The following PEX13 variants were observed in gnomAD, a reference collection of about 807,000 sequenced individuals.
The protein encoded by PEX13 is peroxisomal biogenesis factor 13, also known as peroxisome biogenesis factor 13.
Under a neutral mutation model 34.5 loss-of-function variants are expected in PEX13, and 28 were observed. The ratio of observed to expected loss-of-function variants is 0.81; its 90% CI spans 0.60 to 1.11. The LOEUF (loss-of-function observed/expected upper bound fraction) is 1.11. Ranked by LOEUF, PEX13 falls within the 50% of genes most tolerant of loss-of-function variation. PEX13 has a pLI of 0.00. For missense variants in PEX13, 550 were observed against 491.0 expected, an observed-to-expected ratio of 1.12 and a Z score of -1.13; for synonymous variants, 177 against 175.1, an observed-to-expected ratio of 1.01 and a Z score of -0.09.
chr2:61,018,072 TCGGGAGC>T, intron 1 of PEX13: 1 of 1,504,498 alleles, frequency 6.6e-7, no homozygotes, highest in Admixed American at 2.3e-5. Flanking sequence ...AACGTTTTTT[TCGGGAGC>T]TCCTGGGCGT....
intron 3 of PEX13, 120 bp downstream of exon 3, chr2:61,045,971 C>T: frequency 1.1e-6 from 1 of 883,882 alleles, no homozygotes. Flanking sequence ...GTTACTAGAA[C>T]TTCTTTTTCA....
chr2:61,041,439 C>G (rs549267783), intron 2 of PEX13, among the ~76,000 whole-genome samples: 2 of 152,096 alleles, frequency 1.3e-5, no homozygotes, highest in Non-Finnish European at 2.9e-5. Flanking sequence ...GAAGTAGAAC[C>G]ATATTATTGC....
chr2:61,034,445 C>T (rs567199830), intron 2 of PEX13, among the ~76,000 whole-genome samples: 24 of 152,350 alleles, frequency 1.6e-4, no homozygotes, highest in African/African-American at 5.5e-4. Context: ...GTTCATCTCA[C>T]TGGGACTGGT....
intron 1 of PEX13, chr2:61,018,270 A>G: frequency 6.4e-7 from 1 of 1,550,690 alleles, no homozygotes. Context: ...AAAGGTGTTA[A>G]CCTCTCGAGA....
At chr2:61,026,009 T>G (rs1220686759) in intron 1 of PEX13, among the ~76,000 whole-genome samples, 2 of 152,168 alleles carry the variant, frequency 1.3e-5, no homozygotes, top group African/African-American at 4.8e-5. Context: ...TCTGCCCAGC[T>G]TCTCATCCTG....
At chr2:61,048,111 G>C (rs1386694761) in intron 3 of PEX13, among the ~76,000 whole-genome samples, 1 of 152,126 alleles carries the variant, frequency 6.6e-6, no homozygotes, top group Non-Finnish European at 1.5e-5. Context: ...AACTTACCCA[G>C]TTGAGAAGGA....
At chr2:61,043,885 CT>C (rs1680665078) in intron 2 of PEX13, among the ~76,000 whole-genome samples, 1 of 152,198 alleles carries the variant, frequency 6.6e-6, no homozygotes, top group Admixed American at 6.5e-5. Flanking sequence ...AACAGAACTC[CT>C]TTTCAGCTAT....
At chr2:61,023,128 C>T (rs1443890402) in intron 1 of PEX13, among the ~76,000 whole-genome samples, 2 of 152,036 alleles carry the variant, frequency 1.3e-5, no homozygotes, top group African/African-American at 2.4e-5. Context: ...CCTCAGCCTC[C>T]TGAGTAGCTG....
rs757216465 is a variant in PEX13, at chr2:61,031,592, T to C, written c.266T>C (p.Phe89Ser). 6 of 1,614,176 alleles carry C rather than the reference T, an allele frequency of 3.7e-6. No homozygotes were observed. In the South Asian group the frequency reaches 6.6e-5, roughly 18 times the overall value. Reference protein sequence around the residue: ...SSGYGAYGNSFYGGYSPYSYG... With the variant: ...SSGYGAYGNSSYGGYSPYSYG... ...GGATATGGTGCCTATGGAAATTCATTTTATGGAGGCTATAGTCCTTATAGT... is the reference window on the plus strand; with the variant it reads ...GGATATGGTGCCTATGGAAATTCATCTTATGGAGGCTATAGTCCTTATAGT... The change falls in exon 2 of 4, where the codon TTT becomes TCT. Residue 89 changes from phenylalanine (F) to serine (S), a missense_variant. Phe to Ser is a radical substitution (Grantham distance 155, BLOSUM62 -2). Coordinates refer to ENST00000295030, the MANE Select transcript of PEX13 (RefSeq NM_002618.4).
At chr2:61,018,184 CG>C in intron 1 of PEX13, 1 of 1,550,886 alleles carries the variant, frequency 6.4e-7, no homozygotes, top group East Asian at 2.4e-5. Flanking sequence ...ATCTTTAAAG[CG>C]TAGACTTTGG....
intron 1 of PEX13, chr2:61,018,936 C>T (rs1169140915): frequency 6.6e-6 from 1 of 151,984 alleles, no homozygotes; most frequent in Non-Finnish European, 1.5e-5. Flanking sequence ...CCCACTTTAT[C>T]GTGAAATATT....
chr2:61,048,702 G>A lies in PEX13; in HGVS notation c.1144G>A (p.Val382Ile), dbSNP rs886044219. 6.2e-7 allele frequency: 1 copy of A among 1,613,968 alleles called. No individual in the cohort carries two copies. Among genetic ancestry groups the A allele is most frequent in the East Asian group, 2.2e-5 (1 of 44,888 alleles). Residue 382 changes from valine (V) to isoleucine (I), a missense_variant, in exon 4 of 4, where the codon GTT (valine) becomes ATT (isoleucine). Val to Ile is a conservative substitution (Grantham distance 29). Transcript: ENST00000295030. ...EQEAAFESVFVETNKVPVAPD... is the reference protein window; with the variant it reads ...EQEAAFESVFIETNKVPVAPD... ...GGAAGCTGCCTTTGAATCTGTTTTT[G>A]TTGAAACTAATAAGGTTCCAGTTGC... is the stretch of plus-strand genomic sequence containing the variant.
chr2:61,048,452 C>T lies in PEX13; in HGVS notation c.914-20C>T. 2 of 1,607,468 alleles carry T rather than the reference C, an allele frequency of 1.2e-6. No individual in the cohort carries two copies. The highest frequency in any genetic ancestry group is 1.7e-6 in the Non-Finnish European group (2 of 1,175,020). ...TCCAAAGTATATTGTAATTACAAGA[C>T]TGTCTTTTTTTTCCATCAGAACAAC... On this transcript the variant is annotated intron_variant, in intron 3 of 3. Transcript: ENST00000295030.
chr2:61,033,781 G>A (rs1239782725), intron 2 of PEX13, among the ~76,000 whole-genome samples: 1 of 152,114 alleles, frequency 6.6e-6, no homozygotes, highest in Non-Finnish European at 1.5e-5. Context: ...CAGCAAAAAT[G>A]TAGAGGTATG....
In PEX13 at chr2:61,049,071, G is replaced by A; in HGVS notation, c.*301G>A. The A allele has an allele frequency of 2.5e-6, 1 of 392,692 alleles. No individual in the cohort carries two copies. Among genetic ancestry groups the A allele is most frequent in the Non-Finnish European group, 4.7e-6 (1 of 211,850 alleles). 24.3% of individuals were successfully genotyped at this position (392,692 alleles called of 1,614,324 possible). ...GGTTTATTGGAAGAGTAAGATTGAT[G>A]AACTATAGCATGCACAGTTTGGTAC... is the stretch of plus-strand genomic sequence containing the variant. On this transcript the variant is annotated 3_prime_UTR_variant, in exon 4 of 4. Transcript: ENST00000295030.
At chr2:61,027,373 A>C (rs938968895) in intron 1 of PEX13, among the ~76,000 whole-genome samples, 9 of 151,594 alleles carry the variant, frequency 5.9e-5, no homozygotes, top group Non-Finnish European at 1.2e-4. Context: ...ACACACACAC[A>C]AAAACAGCGA....
chr2:61,040,886 A>G (rs1680615721), intron 2 of PEX13, among the ~76,000 whole-genome samples: 1 of 149,906 alleles, frequency 6.7e-6, no homozygotes, highest in South Asian at 2.1e-4. Flanking sequence ...GTATATATAT[A>G]TACACCTTTT....
chr2:61,026,545 A>G (rs1280020885), intron 1 of PEX13, among the ~76,000 whole-genome samples: 7 of 150,822 alleles, frequency 4.6e-5, no homozygotes, highest in African/African-American at 1.7e-4. Flanking sequence ...ACAGTATTTC[A>G]CCATCTTGGC....
At position 61,031,360 on chromosome 2, in the gene PEX13, A is replaced by C. The variant is rs1680445961; in HGVS notation, c.93-59A>C. 6 of 1,257,530 alleles carry C rather than the reference A, an allele frequency of 4.8e-6. No homozygotes were observed. The Admixed American group carries it at 1.1e-4, about 22-fold the overall frequency. 77.9% of individuals were successfully genotyped at this position (1,257,530 alleles called of 1,614,324 possible). A position where few individuals can be genotyped will look rare whatever the true frequency, so the allele number is the denominator to read the frequency against. On this transcript the variant is annotated intron_variant, in intron 1 of 3. Transcript: ENST00000295030. Reference sequence around the variant, plus strand: ...GGTATATAGGAGATGTTTAATACTTACTTTGAATTGAATTTATTGTATGCT... The same window carrying C: ...GGTATATAGGAGATGTTTAATACTTCCTTTGAATTGAATTTATTGTATGCT...
Sources: gnomAD v4.1 joint callset for allele counts (sites outside exome capture counted in the v4.1 genomes callset) on GRCh38, gnomAD v4.1.1 for gene constraint, MANE v1.5 for transcripts, NCBI Gene and HGNC (gene_info 2026-07-23, HGNC 2026-07-21) for gene names.